The following KIF9 variants were observed in gnomAD, a reference collection of about 807,000 sequenced individuals.
The protein encoded by KIF9 is kinesin-like protein KIF9.
In KIF9, 68 loss-of-function variants were observed where a neutral mutation model predicts 94.8. The observed-to-expected ratio is 0.72, with a 90% CI of 0.59 to 0.88. KIF9 has a LOEUF of 0.88. Ranked by LOEUF, KIF9 falls within the 40% of genes least tolerant of loss-of-function variation. The probability of loss-of-function intolerance (pLI) is 0.00; values close to 1 mark genes in which losing one functional copy is unlikely to be tolerated. For synonymous variants in KIF9, 343 were observed against 362.1 expected (o/e 0.95, Z 0.60); for missense variants, 882 against 982.5 (o/e 0.90, Z 1.37).
At chr3:47,269,209 G>T (rs1003828714) in intron 5 of KIF9, among the ~76,000 whole-genome samples, 1 of 152,238 alleles carries the variant, frequency 6.6e-6, no homozygotes, top group African/African-American at 2.4e-5. Flanking sequence ...GGGCAACACA[G>T]CGAGAACTTG....
chr3:47,272,049 C>T (rs1187002107), intron 4 of KIF9, among the ~76,000 whole-genome samples: 5 of 152,050 alleles, frequency 3.3e-5, no homozygotes, highest in Admixed American at 1.3e-4. Context: ...GAACCCAGGA[C>T]GCAGAGCTTG....
chr3:47,244,845 G>C lies in KIF9; in HGVS notation c.1460C>G (p.Ser487Cys), dbSNP rs781668865. 1 of 1,614,158 alleles carries C rather than the reference G, an allele frequency of 6.2e-7. No homozygotes were observed. The highest frequency in any genetic ancestry group is 1.7e-5 in the Admixed American group (1 of 60,026). ...CTTGGCTTTCTTCCCAGGTTTGGTAGAGAAAGGGGCGACTCCGAGTCCAAA... is the reference window on the plus strand; with the variant it reads ...CTTGGCTTTCTTCCCAGGTTTGGTACAGAAAGGGGCGACTCCGAGTCCAAA... ...QNFGLGVAPF[S>C]TKPGKKAKSK... The change falls in exon 15 of 21, where the codon TCT (serine) becomes TGT (cysteine). Residue 487 changes from serine to cysteine, a missense_variant. Coordinates refer to ENST00000684063, the MANE Select transcript of KIF9 (RefSeq NM_182902.4).
intron 10 of KIF9, chr3:47,250,554 A>G (rs1018667599): frequency 1.2e-5 from 6 of 485,492 alleles, no homozygotes; most frequent in African/African-American, 7.8e-5. Context: ...ATGTCGTAAC[A>G]AGGTTCAAGG....
intron 10 of KIF9, among the ~76,000 whole-genome samples, chr3:47,253,467 T>C (rs1700394682): frequency 6.6e-6 from 1 of 152,090 alleles, no homozygotes; most frequent in African/African-American, 2.4e-5. Flanking sequence ...GTGATTTTTT[T>C]TTTTTTAAGA....
intron 17 of KIF9, chr3:47,239,667 A>C (rs1390165172): frequency 8.9e-7 from 1 of 1,118,604 alleles, no homozygotes; most frequent in African/African-American, 1.6e-5. Flanking sequence ...GCCTCACTAC[A>C]ACCTCTGCCT....
At position 47,233,533 on chromosome 3, in the gene KIF9, CA is replaced by C. The variant is rs61123180; in HGVS notation, c.2322+1979del. ...CAACAAGGCAAAACCCCATCTCTACCAAAAAAAAAAAAAATTAGCTGGGCAT... is the reference window on the plus strand; with the variant it reads ...CAACAAGGCAAAACCCCATCTCTACCAAAAAAAAAAAAATTAGCTGGGCAT... On this transcript the variant is annotated intron_variant, in intron 20 of 20. Coordinates refer to ENST00000684063, the MANE Select transcript of KIF9 (RefSeq NM_182902.4). Among the ~76,000 whole-genome samples the C allele has an allele frequency of 9.1e-3, 1,172 of 129,028 alleles. 3 individuals carry two copies. The highest frequency in any genetic ancestry group is 0.026 in the South Asian group (103 of 4,016). The allele number at this position is 129,028 out of a possible 152,430, so 84.6% of individuals were successfully genotyped here.
chr3:47,230,525 G>A (rs1698487056), intron 20 of KIF9, among the ~76,000 whole-genome samples: 1 of 152,034 alleles, frequency 6.6e-6, no homozygotes, highest in South Asian at 2.1e-4. Flanking sequence ...CCGAGGTCGG[G>A]AGTTCGAGAC....
intron 5 of KIF9, among the ~76,000 whole-genome samples, chr3:47,269,645 A>G (rs1199233066): frequency 6.6e-6 from 1 of 152,064 alleles, no homozygotes; most frequent in Non-Finnish European, 1.5e-5. Flanking sequence ...TCTATTGCCC[A>G]GGCTGGAGTG....
At chr3:47,266,367 G>A (rs1402234920) in intron 7 of KIF9, among the ~76,000 whole-genome samples, 1 of 152,210 alleles carries the variant, frequency 6.6e-6, no homozygotes, top group Non-Finnish European at 1.5e-5. Context: ...AAAGAAGCCA[G>A]GTGTGGTGGC....
intron 9 of KIF9, among the ~76,000 whole-genome samples, chr3:47,260,474 A>T (rs1054427014): frequency 1.3e-5 from 2 of 152,172 alleles, no homozygotes; most frequent in Admixed American, 1.3e-4. Context: ...AAACACCCAC[A>T]GGTGTGTAGG....
At chr3:47,273,780 C>A in intron 3 of KIF9, 122 bp from the exon 4 acceptor site, 1 of 798,318 alleles carries the variant, frequency 1.3e-6, no homozygotes, top group Non-Finnish European at 2.1e-6. Context: ...TGGGGGCAGC[C>A]AAGAACATCA....
intron 13 of KIF9, 84 bp downstream of exon 13, chr3:47,246,113 A>AT (rs35871850): frequency 0.99 from 1,199,810 of 1,211,494 alleles, 594,837 homozygotes; most frequent in East Asian, 1. Context: ...CAAGAAGAGG[A>AT]GCTCTTGGAG....
At chr3:47,271,144 AAAAAAAG>A (rs1701621299) in intron 5 of KIF9, 86 bp downstream of exon 5, 2 of 851,344 alleles carry the variant, frequency 2.3e-6, no homozygotes, top group Non-Finnish European at 3.6e-6. Flanking sequence ...ATCCTGTCTC[AAAAAAAG>A]AAAAAGAAAA....
chr3:47,248,683 T>C (rs1006551372), intron 10 of KIF9, among the ~76,000 whole-genome samples: 2 of 152,132 alleles, frequency 1.3e-5, no homozygotes, highest in Non-Finnish European at 2.9e-5. Context: ...CCTCAGGTGA[T>C]GCACCCACCT....
intron 10 of KIF9, among the ~76,000 whole-genome samples, chr3:47,248,739 A>G (rs1469043831): frequency 6.6e-6 from 1 of 151,932 alleles, no homozygotes; most frequent in Non-Finnish European, 1.5e-5. Context: ...CACCATACCC[A>G]GCACCAGAAT....
At chr3:47,240,243 A>AC in intron 17 of KIF9, 1 of 227,352 alleles carries the variant, frequency 4.4e-6, no homozygotes, top group Non-Finnish European at 8.9e-6. Flanking sequence ...AGCCTGGAGC[A>AC]CCCCCTGCCA....
chr3:47,247,778 C>G (rs557106372), intron 11 of KIF9, among the ~76,000 whole-genome samples: 1 of 152,164 alleles, frequency 6.6e-6, no homozygotes, highest in Non-Finnish European at 1.5e-5. Flanking sequence ...ATGAGAAAGG[C>G]GAGGACGGGA....
chr3:47,243,024 G>A lies in KIF9; in HGVS notation c.1709+27C>T, dbSNP rs767313213. 4 of 1,567,730 alleles carry A rather than the reference G, an allele frequency of 2.6e-6. No individual in the cohort carries two copies. The South Asian group carries it at 3.4e-5, about 13-fold the overall frequency. On this transcript the variant is annotated intron_variant, in intron 16 of 20. Coordinates refer to ENST00000684063, the MANE Select transcript of KIF9 (RefSeq NM_182902.4). ...ATCACATATGGTTTTGTTTGATCTG[G>A]TGCAGAAGCTAACATTAGCTGATTA...
chr3:47,243,225 C>T lies in KIF9; in HGVS notation c.1535G>A (p.Gly512Asp), dbSNP rs759875257. 2 of 1,610,232 alleles carry T rather than the reference C, an allele frequency of 1.2e-6. No individual in the cohort carries two copies. The highest frequency in any genetic ancestry group is 3.3e-5 in the Admixed American group (2 of 59,936). The change falls in exon 16 of 21, where the codon GGT (glycine) becomes GAT (aspartate). Residue 512 changes from glycine to aspartate, a missense_variant. By Grantham distance (94) the Gly-to-Asp change is moderately conservative (BLOSUM62 -1). Coordinates refer to ENST00000684063, the MANE Select transcript of KIF9 (RefSeq NM_182902.4). ...CTTCCCATTCACAGGGCTGCTGGCA[C>T]CTTCCTTTCTTGCCAAGGAGCTGGA... ...EPLSSLARKE[G>D]ASSPVNGKDL...
Sources: gnomAD v4.1 joint callset for allele counts (sites outside exome capture counted in the v4.1 genomes callset) on GRCh38, gnomAD v4.1.1 for gene constraint, MANE v1.5 for transcripts, NCBI Gene and HGNC (gene_info 2026-07-23, HGNC 2026-07-21) for gene names.